HLTF: variants seen among roughly 807,000 people sequenced by gnomAD.
The protein encoded by HLTF is DNA-dependent ATPase/E3 ubiquitin-protein ligase HLTF.
In HLTF, 127 loss-of-function variants were observed where a neutral mutation model predicts 129.4. The ratio of observed to expected loss-of-function variants is 0.98; its 90% confidence interval spans 0.85 to 1.14. The LOEUF (loss-of-function observed/expected upper bound fraction) is 1.14, where lower values mean the gene tolerates loss of function less well. Ranked by LOEUF, HLTF falls within the 50% of genes most tolerant of loss-of-function variation. The pLI, the probability that HLTF is intolerant of heterozygous loss-of-function variation, is 0.00. For synonymous variants in HLTF, 332 were observed against 388.8 expected (o/e 0.85, Z 1.72); for missense variants, 1,139 against 1,187.1 (o/e 0.96, Z 0.60).
chr3:149,078,102 A>G (rs12152447), intron 2 of HLTF, among the ~76,000 whole-genome samples: 5,535 of 152,316 alleles, frequency 0.036, 144 homozygotes, highest in Non-Finnish European at 0.054. Flanking sequence ...TTAAAATGTC[A>G]ATTTTTCAAG....
At chr3:149,037,030 T>G (rs771890901) in intron 23 of HLTF, among the ~76,000 whole-genome samples, 3 of 152,212 alleles carry the variant, frequency 2.0e-5, no homozygotes, top group Admixed American at 2.0e-4. Flanking sequence ...AAAATAAAAT[T>G]TGGGATTTGT....
rs778163079 is a variant in HLTF, at chr3:149,042,150, A to C, written c.2197+16T>G. The C allele has an allele frequency of 6.2e-7, 1 of 1,610,102 alleles. No individual in the cohort carries two copies. The highest frequency in any genetic ancestry group is 8.5e-7 in the Non-Finnish European group (1 of 1,176,822). ...TCTGACAAATACAATGATATGAAGC[A>C]ATCAAATTTACCTACCTGAGGGGCC... On this transcript the variant is annotated intron_variant, in intron 19 of 24. Coordinates refer to ENST00000310053, the MANE Select transcript of HLTF (RefSeq NM_003071.4).
intron 2 of HLTF, among the ~76,000 whole-genome samples, chr3:149,079,228 C>T (rs1049182297): frequency 2.0e-5 from 3 of 151,454 alleles, no homozygotes; most frequent in African/African-American, 7.3e-5. Context: ...CTTCCCAATT[C>T]GATGGAAACC....
intron 13 of HLTF, among the ~76,000 whole-genome samples, chr3:149,058,402 C>T (rs1717653303): frequency 6.6e-6 from 1 of 152,132 alleles, no homozygotes; most frequent in African/African-American, 2.4e-5. Flanking sequence ...TCTGAATCAG[C>T]ATATTTTTTC....
intron 14 of HLTF, among the ~76,000 whole-genome samples, chr3:149,054,368 A>G (rs1304228619): frequency 6.6e-6 from 1 of 152,156 alleles, no homozygotes; most frequent in Non-Finnish European, 1.5e-5. Context: ...AAGAGACTAA[A>G]TAAACAAGGG....
At chr3:149,060,495 T>C (rs967269598) in intron 12 of HLTF, 148 bp downstream of exon 12, 5 of 603,606 alleles carry the variant, frequency 8.3e-6, no homozygotes, top group African/African-American at 7.4e-5. Context: ...TTAAAACCCA[T>C]GGTTAGCTCC....
At chr3:149,081,481 G>GT (rs1264595686) in intron 2 of HLTF, among the ~76,000 whole-genome samples, 38 of 152,088 alleles carry the variant, frequency 2.5e-4, no homozygotes, top group African/African-American at 8.4e-4. Context: ...AAAACCGAAT[G>GT]TAAGAGTAAT....
chr3:149,050,391 G>A lies in HLTF; in HGVS notation c.1474-16C>T, dbSNP rs1716888521. On this transcript the variant is annotated splice_polypyrimidine_tract_variant and intron_variant, in intron 14 of 24. Coordinates refer to ENST00000310053, the MANE Select transcript of HLTF (RefSeq NM_003071.4). ...CAAACTGGTCCTAAAGAAAAATTAGGAATATTTTTAACAATGAGCAGATTT... is the reference window on the plus strand; with the variant it reads ...CAAACTGGTCCTAAAGAAAAATTAGAAATATTTTTAACAATGAGCAGATTT... 1.3e-6 allele frequency: 2 copies of A among 1,530,464 alleles called. No individual in the cohort carries two copies. The highest frequency in any genetic ancestry group is 1.8e-6 in the Non-Finnish European group (2 of 1,128,070). 94.8% of individuals were successfully genotyped at this position (1,530,464 alleles called of 1,614,324 possible). A position where few individuals can be genotyped will look rare whatever the true frequency, so the allele number is the denominator to read the frequency against.
chr3:149,067,211 A>C (rs970303486), intron 8 of HLTF, among the ~76,000 whole-genome samples: 2 of 151,220 alleles, frequency 1.3e-5, no homozygotes, highest in Admixed American at 6.6e-5. Flanking sequence ...CACACACACA[A>C]ATTTTCAAGA....
At chr3:149,047,233 C>T (rs935534584) in intron 17 of HLTF, among the ~76,000 whole-genome samples, 1 of 152,004 alleles carries the variant, frequency 6.6e-6, no homozygotes, top group African/African-American at 2.4e-5. Flanking sequence ...AAATGGCTAT[C>T]ACTGAGTTTT....
intron 18 of HLTF, among the ~76,000 whole-genome samples, chr3:149,043,658 T>C (rs962515338): frequency 6.6e-6 from 1 of 151,802 alleles, no homozygotes; most frequent in Non-Finnish European, 1.5e-5. Context: ...CCAAAAATTA[T>C]ATAACCAGGC....
intron 9 of HLTF, 73 bp from the exon 10 acceptor site, chr3:149,063,597 C>A: frequency 1.2e-6 from 1 of 835,096 alleles, no homozygotes; most frequent in Non-Finnish European, 2.0e-6. Context: ...CCTCTTAAAA[C>A]CTTGGTTTTC....
rs770938050 is a variant in HLTF at position 149,030,913 on chromosome 3, G to A, written c.*1307C>T. 2 of 152,100 alleles carry A rather than the reference G, an allele frequency of 1.3e-5. No individual in the cohort carries two copies. Among genetic ancestry groups the A allele is most frequent in the African/African-American group, 2.4e-5 (1 of 41,414 alleles). The allele number at this position is 152,100 out of a possible 1,614,324, so 9.4% of individuals were successfully genotyped here. A position where few individuals can be genotyped will look rare whatever the true frequency, so the allele number is the denominator to read the frequency against. On this transcript the variant is annotated 3_prime_UTR_variant, in exon 25 of 25. Coordinates refer to ENST00000310053, the MANE Select transcript of HLTF (RefSeq NM_003071.4). ...TGCCCTATAACACAACATTGTCTCC[G>A]ATCTCATCTTTCTATCAAATGACTT...
rs1342856311 is a variant in HLTF at position 149,035,898 on chromosome 3, G to A, written c.2797-900C>T. On this transcript the variant is annotated intron_variant, in intron 23 of 24. Transcript: ENST00000310053. ...CGCCTGTAATCCCAGCACTTTGGGAGGCCGAGGCAGGCAGATCACGAGTTC... is the reference window on the plus strand; with the variant it reads ...CGCCTGTAATCCCAGCACTTTGGGAAGCCGAGGCAGGCAGATCACGAGTTC... 5.3e-5 allele frequency among the ~76,000 whole-genome samples: 8 copies of A among 151,978 alleles called. No homozygotes were observed. The East Asian group carries it at 1.6e-3, about 30-fold the overall frequency.
rs1423320338 is a variant in HLTF, at chr3:149,030,458, T to C, written c.*1762A>G. 6.8e-6 allele frequency: 1 copy of C among 146,596 alleles called. No homozygotes were observed. Among genetic ancestry groups the C allele is most frequent in the African/African-American group, 2.4e-5 (1 of 41,296 alleles). The allele number at this position is 146,596 out of a possible 1,614,324, so 9.1% of individuals were successfully genotyped here. A position where few individuals can be genotyped will look rare whatever the true frequency, so the allele number is the denominator to read the frequency against. On this transcript the variant is annotated 3_prime_UTR_variant, in exon 25 of 25. Transcript: ENST00000310053. ...TTTTAAAAACAACTTTGTAAATGTCTGGGCAAAGAAGCAAGCTGTCCTCCC... is the reference window on the plus strand; with the variant it reads ...TTTTAAAAACAACTTTGTAAATGTCCGGGCAAAGAAGCAAGCTGTCCTCCC...
At chr3:149,058,962 A>G (rs1717699561) in intron 13 of HLTF, among the ~76,000 whole-genome samples, 2 of 152,318 alleles carry the variant, frequency 1.3e-5, no homozygotes, top group South Asian at 4.1e-4. Flanking sequence ...CAACATGCCT[A>G]TATTTTCTAT....
chr3:149,051,656 T>A (rs1001388399), intron 14 of HLTF, among the ~76,000 whole-genome samples: 2 of 152,094 alleles, frequency 1.3e-5, no homozygotes, highest in Non-Finnish European at 2.9e-5. Context: ...AGGTCAGGAG[T>A]TCGAGACCAG....
At chr3:149,065,786 C>T (rs576304866) in intron 8 of HLTF, among the ~76,000 whole-genome samples, 80 of 152,106 alleles carry the variant, frequency 5.3e-4, no homozygotes, top group Non-Finnish European at 9.0e-4. Flanking sequence ...GCCAAGGTTG[C>T]GCCACTGCAC....
intron 23 of HLTF, among the ~76,000 whole-genome samples, chr3:149,036,297 G>GTGTTTTTTTTT (rs1715617515): frequency 9.3e-6 from 1 of 107,986 alleles, no homozygotes; most frequent in Non-Finnish European, 1.8e-5. Context: ...AAACTATGAG[G>GTGTTTTTTTTT]TTTTTTTTTT....
Sources: gnomAD v4.1 joint callset for allele counts (sites outside exome capture counted in the v4.1 genomes callset) on GRCh38, gnomAD v4.1.1 for gene constraint, MANE v1.5 for transcripts, NCBI Gene and HGNC (gene_info 2026-07-23, HGNC 2026-07-21) for gene names.